The following RBFOX1 variants were observed in gnomAD, a reference collection of about 807,000 sequenced individuals.
The protein encoded by RBFOX1 is RNA binding protein fox-1 homolog 1.
RBFOX1 carries 8 observed loss-of-function variants against 57.7 expected under a neutral mutation model. The observed-to-expected ratio is 0.14, with a 90% CI of 0.08 to 0.25. The LOEUF (loss-of-function observed/expected upper bound fraction) is 0.25. Ranked by LOEUF, RBFOX1 falls within the 10% of genes least tolerant of loss-of-function variation. The pLI, the probability that RBFOX1 is intolerant of heterozygous loss-of-function variation, is 1.00. For missense variants in RBFOX1, 611 were observed against 548.5 expected (o/e 1.11, Z -1.14); for synonymous variants, 326 against 222.4 (o/e 1.47, Z -4.15).
intron 1 of RBFOX1, among the ~76,000 whole-genome samples, chr16:6,026,812 G>T (rs1466251718): frequency 6.6e-6 from 1 of 152,206 alleles, no homozygotes; most frequent in South Asian, 2.1e-4. Flanking sequence ...CTCACGCTCT[G>T]AGTATGATTT....
chr16:6,480,689 T>C (rs1161335515), intron 2 of RBFOX1, among the ~76,000 whole-genome samples: 1 of 152,196 alleles, frequency 6.6e-6, no homozygotes, highest in Non-Finnish European at 1.5e-5. Flanking sequence ...ATTAGTGCAT[T>C]CTCTTTCAGA....
chr16:5,910,792 A>C (rs999450421), intron 4 of RBFOX1, among the ~76,000 whole-genome samples: 3 of 152,050 alleles, frequency 2.0e-5, no homozygotes, highest in African/African-American at 7.2e-5. Context: ...TGCCCATCTG[A>C]GTTTCTCTGT....
At chr16:7,567,833 C>A (rs1008041782) in intron 5 of RBFOX1, among the ~76,000 whole-genome samples, 1 of 146,550 alleles carries the variant, frequency 6.8e-6, no homozygotes, top group African/African-American at 2.5e-5. Flanking sequence ...ATATATATCC[C>A]CATATATATA....
intron 3 of RBFOX1, among the ~76,000 whole-genome samples, chr16:7,017,531 C>G (rs996362222): frequency 6.6e-6 from 1 of 152,130 alleles, no homozygotes. Flanking sequence ...TTGGAAGAAG[C>G]CAACGGAACA....
chr16:6,003,617 T>C (rs1250452889), intron 4 of RBFOX1, among the ~76,000 whole-genome samples: 1 of 152,206 alleles, frequency 6.6e-6, no homozygotes, highest in African/African-American at 2.4e-5. Flanking sequence ...TCACCTACAT[T>C]GGAGTGTGCC....
rs892932091 is a variant in RBFOX1, at chr16:5,731,392, A to G, written c.318+132431A>G. Among the ~76,000 whole-genome samples, 20 of 152,208 alleles carry G rather than the reference A, an allele frequency of 1.3e-4. 1 individual carries two copies. Among genetic ancestry groups the G allele is most frequent in the Admixed American group, 9.8e-4 (15 of 15,282 alleles). On this transcript the variant is annotated intron_variant, in intron 3 of 19. Transcript: ENST00000641259. ...TTACAAAGTACTTTCTTTGTCAGGTATTATGCTAAAACCCCACCTGCAGCA... is the reference window on the plus strand; with the variant it reads ...TTACAAAGTACTTTCTTTGTCAGGTGTTATGCTAAAACCCCACCTGCAGCA...
intron 14 of RBFOX1, among the ~76,000 whole-genome samples, chr16:7,706,912 CAA>C (rs986779469): frequency 4.6e-5 from 7 of 152,150 alleles, no homozygotes; most frequent in African/African-American, 1.7e-4. Context: ...ATTATTTTAT[CAA>C]AAACTTTTTA....
chr16:5,281,931 G>A (rs1178880285), intron 1 of RBFOX1, among the ~76,000 whole-genome samples: 1 of 152,164 alleles, frequency 6.6e-6, no homozygotes, highest in Non-Finnish European at 1.5e-5. Context: ...ATTGATAGGT[G>A]AGGACTTATT....
intron 4 of RBFOX1, among the ~76,000 whole-genome samples, chr16:7,434,479 T>A (rs11644614): frequency 0.6 from 88,779 of 147,436 alleles, 30,450 homozygotes; most frequent in Non-Finnish European, 0.78. Flanking sequence ...CTCGTTAAAA[T>A]AAATAAATAA....
chr16:7,508,112 A>G (rs534288361), intron 4 of RBFOX1, among the ~76,000 whole-genome samples: 1 of 151,932 alleles, frequency 6.6e-6, no homozygotes, highest in African/African-American at 2.4e-5. Flanking sequence ...TCAGCCTCCA[A>G]AGTAGCTGGG....
Position 5,864,402 on chromosome 16 carries a change from C to T in RBFOX1, c.319-2901C>T, listed in dbSNP as rs1330370223. Among the ~76,000 whole-genome samples, 13 of 152,322 alleles carry T rather than the reference C, an allele frequency of 8.5e-5. No homozygotes were observed. In the South Asian group the frequency reaches 1.7e-3, roughly 19 times the overall value. Reference sequence around the variant, plus strand: ...AAAGAGAAAGTTGCCATTGACTTTTCTTCACCCTTTGGGTCCCAGTCAAGT... The same window carrying T: ...AAAGAGAAAGTTGCCATTGACTTTTTTTCACCCTTTGGGTCCCAGTCAAGT... On this transcript the variant is annotated intron_variant, in intron 3 of 19. Transcript: ENST00000641259.
At chr16:6,604,049 T>C (rs1192622003) in intron 2 of RBFOX1, among the ~76,000 whole-genome samples, 5 of 152,120 alleles carry the variant, frequency 3.3e-5, no homozygotes, top group Admixed American at 2.6e-4. Context: ...CTGGGGACTT[T>C]GAAGGTTTGC....
At chr16:6,291,746 A>G (rs1286895997) in intron 1 of RBFOX1, among the ~76,000 whole-genome samples, 1 of 152,222 alleles carries the variant, frequency 6.6e-6, no homozygotes, top group Non-Finnish European at 1.5e-5. Context: ...AAAATTGTAT[A>G]CTTCTCTTGA....
At chr16:6,666,103 C>T (rs1163334162) in intron 3 of RBFOX1, among the ~76,000 whole-genome samples, 1 of 152,148 alleles carries the variant, frequency 6.6e-6, no homozygotes, top group Non-Finnish European at 1.5e-5. Context: ...GTGCCTTTTG[C>T]CTCCCATCAT....
chr16:5,439,042 G>C (rs112324853), intron 1 of RBFOX1, among the ~76,000 whole-genome samples: 16 of 144,644 alleles, frequency 1.1e-4, no homozygotes, highest in Admixed American at 5.5e-4. Context: ...TGGGGGGGGG[G>C]GCATAGTGAT....
chr16:7,018,384 C>T (rs960441914), intron 3 of RBFOX1, among the ~76,000 whole-genome samples: 45 of 152,126 alleles, frequency 3.0e-4, no homozygotes, highest in Non-Finnish European at 3.5e-4. Context: ...TTTCTAGATG[C>T]TTCTTTATGC....
chr16:7,631,934 A>C (rs72774999), intron 11 of RBFOX1, among the ~76,000 whole-genome samples: 1 of 151,962 alleles, frequency 6.6e-6, no homozygotes, highest in African/African-American at 2.4e-5. Flanking sequence ...TTTTGAGACA[A>C]AGTCTCACTC....
chr16:7,534,086 C>CTTTTTTTTT (rs529708813), intron 5 of RBFOX1, among the ~76,000 whole-genome samples: 1 of 129,924 alleles, frequency 7.7e-6, no homozygotes, highest in African/African-American at 2.9e-5. Flanking sequence ...CGTTTTTTTT[C>CTTTTTTTTT]TTTTTTTTTT....
intron 2 of RBFOX1, among the ~76,000 whole-genome samples, chr16:6,559,475 C>A (rs934682921): frequency 2.0e-5 from 3 of 151,958 alleles, no homozygotes; most frequent in Admixed American, 2.0e-4. Context: ...AAGAGTTTAT[C>A]CTGAACTATG....
Sources: allele counts gnomAD v4.1 joint callset (sites outside exome capture counted in the v4.1 genomes callset), GRCh38; gene constraint gnomAD v4.1.1; transcripts MANE v1.5; gene names NCBI Gene and HGNC (gene_info 2026-07-23, HGNC 2026-07-21).